The following GALNT14 variants were observed in gnomAD, a reference collection of about 807,000 sequenced individuals.
The protein encoded by GALNT14 is polypeptide N-acetylgalactosaminyltransferase 14, also known as UDP-GalNAc:polypeptide N-acetylgalactosaminyltransferase 14.
Under a neutral mutation model 77.5 loss-of-function variants are expected in GALNT14, and 60 were observed. That is an observed-to-expected ratio of 0.77 (90% confidence interval 0.63 to 0.96). The LOEUF (loss-of-function observed/expected upper bound fraction) is 0.96, where lower values mean the gene tolerates loss of function less well. Among genes scored for constraint, GALNT14 ranks in the 40% least tolerant of loss-of-function variants. The pLI, the probability that GALNT14 is intolerant of heterozygous loss-of-function variation, is 0.00. For missense variants in GALNT14, 710 were observed against 731.0 expected, an observed-to-expected ratio of 0.97 and a Z score of 0.33; for synonymous variants, 280 against 281.7, an observed-to-expected ratio of 0.99 and a Z score of 0.06.
the GALNT14 span, among the ~76,000 whole-genome samples, chr2:30,896,427 A>G: frequency 1.4e-4 from 21 of 152,272 alleles, no homozygotes; most frequent in African/African-American, 4.1e-4. Flanking sequence ...TTGGACTTGA[A>G]TTTCACCTCT....
rs79043813 is a variant in GALNT14, at chr2:30,932,794, T to C, written c.932-600A>G. ...AAAGTTCCTTCCACAGTGAATGCAA[T>C]TCTACCACTGGGGAAGAGCCACCTG... On this transcript the variant is annotated intron_variant, in intron 9 of 14. Transcript: ENST00000349752. 3.6e-3 allele frequency among the ~76,000 whole-genome samples: 542 copies of C among 152,264 alleles called. 2 individuals carry two copies. Among genetic ancestry groups the C allele is most frequent in the African/African-American group, 0.012 (517 of 41,540 alleles).
chr2:30,912,682 T>G (rs955763346), intron 13 of GALNT14, among the ~76,000 whole-genome samples: 7 of 152,168 alleles, frequency 4.6e-5, no homozygotes, highest in East Asian at 3.9e-4. Flanking sequence ...GGAGAAAACA[T>G]CTCGAGGGGG....
intron 3 of GALNT14, among the ~76,000 whole-genome samples, chr2:30,963,168 T>C (rs1162762386): frequency 6.6e-6 from 1 of 152,082 alleles, no homozygotes; most frequent in Non-Finnish European, 1.5e-5. Flanking sequence ...ACGTCATGGG[T>C]GTCTTCTGAA....
chr2:30,992,889 T>A lies in GALNT14; in HGVS notation c.248A>T (p.Glu83Val). Residue 83 changes from glutamate to valine, a missense_variant, in exon 2 of 15, where the codon GAG becomes GTG. Coordinates refer to ENST00000349752, the MANE Select transcript of GALNT14 (RefSeq NM_024572.4). ...CCGATTGCTGGAGATCCGCTCACTC[T>A]CCCGCTGGTTGAAAGCATACAGCTT... ...PYKLYAFNQR[E>V]SERISSNRAI... 1.9e-6 allele frequency: 3 copies of A among 1,614,090 alleles called. No individual in the cohort carries two copies. Among genetic ancestry groups the A allele is most frequent in the East Asian group, 2.2e-5 (1 of 44,866 alleles).
chr2:31,083,106 G>C (rs1431120501), intron 1 of GALNT14, among the ~76,000 whole-genome samples: 2 of 152,184 alleles, frequency 1.3e-5, no homozygotes, highest in African/African-American at 4.8e-5. Context: ...GGTCCAGTTT[G>C]CCCAGGATTG....
At chr2:30,905,274 G>C in the GALNT14 span, among the ~76,000 whole-genome samples, 1 of 152,102 alleles carries the variant, frequency 6.6e-6, no homozygotes, top group South Asian at 2.1e-4. Context: ...AGCTACGGGA[G>C]GACATTCAAA....
At chr2:31,094,117 TCCA>T (rs1676887677) in intron 1 of GALNT14, among the ~76,000 whole-genome samples, 1 of 152,232 alleles carries the variant, frequency 6.6e-6, no homozygotes, top group Non-Finnish European at 1.5e-5. Flanking sequence ...CTGATGACAT[TCCA>T]CCATTGTGAT....
chr2:31,112,786 C>T (rs1017751418), intron 1 of GALNT14, among the ~76,000 whole-genome samples: 4 of 152,204 alleles, frequency 2.6e-5, no homozygotes, highest in Admixed American at 2.6e-4. Context: ...TCCAGATTCT[C>T]ACTTTGATCC....
At chr2:30,996,388 G>C (rs895472058) in intron 1 of GALNT14, among the ~76,000 whole-genome samples, 1 of 152,256 alleles carries the variant, frequency 6.6e-6, no homozygotes, top group Non-Finnish European at 1.5e-5. Flanking sequence ...GGAGGACAAG[G>C]AGACCAGCTG....
chr2:30,916,936 G>C (rs1344808905), intron 13 of GALNT14, among the ~76,000 whole-genome samples: 6 of 151,942 alleles, frequency 3.9e-5, no homozygotes, highest in Non-Finnish European at 8.8e-5. Context: ...AATTAGCCAG[G>C]TGTGGTGGCA....
intron 3 of GALNT14, among the ~76,000 whole-genome samples, chr2:30,960,095 G>A (rs1667593368): frequency 6.6e-6 from 1 of 152,182 alleles, no homozygotes; most frequent in South Asian, 2.1e-4. Context: ...ATCAGATGGA[G>A]AGAGGAACCC....
Position 30,912,421 on chromosome 2 carries a change from G to A in GALNT14, c.1381-79C>T, listed in dbSNP as rs1191931130. 2.2e-5 allele frequency: 34 copies of A among 1,539,804 alleles called. No individual in the cohort carries two copies. The East Asian group carries it at 7.0e-4, about 32-fold the overall frequency. On this transcript the variant is annotated intron_variant, in intron 13 of 14. Transcript: ENST00000349752. ...GTGGGATACAACCACACTTACGGGT[G>A]TGATTAGCACAGGCTGGTAAGAAGC...
At chr2:31,120,772 G>C (rs967077258) in intron 1 of GALNT14, among the ~76,000 whole-genome samples, 2 of 152,142 alleles carry the variant, frequency 1.3e-5, no homozygotes, top group Admixed American at 6.5e-5. Context: ...GGCCAGGCTG[G>C]TCTCAAACTC....
chr2:31,132,866 C>CAGTTGCTCCT (rs1260673774), intron 1 of GALNT14, among the ~76,000 whole-genome samples: 2 of 152,170 alleles, frequency 1.3e-5, no homozygotes, highest in East Asian at 3.9e-4. Flanking sequence ...TAAACCTCCC[C>CAGTTGCTCCT]AGTTGCTCCT....
chr2:30,892,478 G>C, the GALNT14 span, among the ~76,000 whole-genome samples: 2 of 152,278 alleles, frequency 1.3e-5, no homozygotes, highest in African/African-American at 4.8e-5. Context: ...GAAACCAGAG[G>C]ACAATAAAAC....
chr2:30,924,817 C>T lies in GALNT14; in HGVS notation c.1158G>A (p.Glu386=), dbSNP rs543670916. ...FALERPFGNV[E]SRLDLRKNLR... is the part of the protein sequence containing the mutation. ...GATTCTTCCTCAGGTCCAATCTGCTCTCAACACTGGGGGCAACGGGGTTGT... is the reference window on the plus strand; with the variant it reads ...GATTCTTCCTCAGGTCCAATCTGCTTTCAACACTGGGGGCAACGGGGTTGT... Residue 386 remains glutamate, a synonymous_variant, in exon 12 of 15, where the codon GAG becomes GAA. Transcript: ENST00000349752. The T allele has an allele frequency of 3.7e-6, 6 of 1,613,724 alleles. No homozygotes were observed. The highest frequency in any genetic ancestry group is 5.1e-6 in the Non-Finnish European group (6 of 1,179,934).
At chr2:30,950,588 G>A (rs1409617573) in intron 6 of GALNT14, among the ~76,000 whole-genome samples, 1 of 152,236 alleles carries the variant, frequency 6.6e-6, no homozygotes, top group Non-Finnish European at 1.5e-5. Context: ...CTGGCCCAGA[G>A]GAACTGTTCC....
chr2:31,004,325 T>A (rs1393839206), intron 1 of GALNT14, among the ~76,000 whole-genome samples: 1 of 152,064 alleles, frequency 6.6e-6, no homozygotes, highest in African/African-American at 2.4e-5. Context: ...AATTTGCCTA[T>A]AACCAGGAGG....
intron 1 of GALNT14, among the ~76,000 whole-genome samples, chr2:31,015,487 A>G (rs1266429093): frequency 6.6e-6 from 1 of 152,164 alleles, no homozygotes. Flanking sequence ...ATGGGCTAAC[A>G]GTTGAGATGA....
Sources: gnomAD v4.1 joint callset for allele counts (sites outside exome capture counted in the v4.1 genomes callset) on GRCh38, gnomAD v4.1.1 for gene constraint, MANE v1.5 for transcripts, NCBI Gene and HGNC (gene_info 2026-07-23, HGNC 2026-07-21) for gene names.